The following ITGAX variants were observed in gnomAD, a reference collection of about 807,000 sequenced individuals.
ITGAX encodes the protein integrin alpha-X.
In ITGAX, 99 loss-of-function variants were observed where a neutral mutation model predicts 140.2. The ratio of observed to expected loss-of-function variants is 0.71; its 90% CI spans 0.60 to 0.83. ITGAX has a LOEUF of 0.83. Ranked by LOEUF, ITGAX falls within the 40% of genes least tolerant of loss-of-function variation. The pLI is 0.00. For synonymous variants in ITGAX, 631 were observed against 600.4 expected, an observed-to-expected ratio of 1.05 and a Z score of -0.75; for missense variants, 1,444 against 1,482.0, an observed-to-expected ratio of 0.97 and a Z score of 0.42.
chr16:31,379,440 TCAGCCA>T, intron 23 of ITGAX, 122 bp from the exon 24 acceptor site: 2 of 892,704 alleles, frequency 2.2e-6, no homozygotes, highest in Non-Finnish European at 3.5e-6. Context: ...ATAACCTAAC[TCAGCCA>T]CAGCCCTCAT....
intron 14 of ITGAX, among the ~76,000 whole-genome samples, chr16:31,368,915 G>C (rs1242027068): frequency 6.6e-6 from 1 of 152,164 alleles, no homozygotes; most frequent in African/African-American, 2.4e-5. Context: ...AGAGAGCACA[G>C]GGTTGGGGGT....
chr16:31,371,609 C>T (rs376240907), intron 16 of ITGAX, 21 bp from the exon 17 acceptor site: 26 of 1,613,554 alleles, frequency 1.6e-5, no homozygotes, highest in Admixed American at 3.3e-5. Context: ...GTCTCAACGC[C>T]GTCCCTGCGA....
intron 20 of ITGAX, among the ~76,000 whole-genome samples, chr16:31,374,664 A>AC (rs1313997604): frequency 6.6e-6 from 1 of 152,022 alleles, no homozygotes; most frequent in East Asian, 1.9e-4. Flanking sequence ...CTGGTCTCTA[A>AC]CCCCTGGGTT....
At chr16:31,357,643 A>G (rs2080778320) in intron 5 of ITGAX, 1 of 478,930 alleles carries the variant, frequency 2.1e-6, no homozygotes, top group Non-Finnish European at 3.6e-6. Flanking sequence ...ACACAGGATG[A>G]TTCATGGCCA....
At chr16:31,355,377 T>C in intron 1 of ITGAX, 86 bp downstream of exon 1, 1 of 1,444,366 alleles carries the variant, frequency 6.9e-7, no homozygotes, top group Non-Finnish European at 9.7e-7. Flanking sequence ...GCTGGGGGGT[T>C]AGGATCTGGG....
In ITGAX at chr16:31,382,294, G is replaced by A; in HGVS notation, c.*387G>A. On this transcript the variant is annotated 3_prime_UTR_variant, in exon 30 of 30. Transcript: ENST00000268296. ...GGAGTCTCGCTCTGTCACCCAGGCT[G>A]GAGTGCAATGGCGTGATCTCGGCTC... The A allele has an allele frequency of 2.0e-6, 2 of 985,234 alleles. No homozygotes were observed. The highest frequency in any genetic ancestry group is 2.7e-6 in the Non-Finnish European group (2 of 745,636). 61.0% of individuals were successfully genotyped at this position (985,234 alleles called of 1,614,324 possible).
rs1186154324 is a variant in ITGAX, at chr16:31,371,768, T to C, written c.2144T>C (p.Phe715Ser). 6.2e-7 allele frequency: 1 copy of C among 1,613,932 alleles called. No individual in the cohort carries two copies. ...GGGCTGAAGGCACACTGTGAAAACTTCAACCTGCTGCTCCCGGTGCGTCTG... is the reference window on the plus strand; with the variant it reads ...GGGCTGAAGGCACACTGTGAAAACTCCAACCTGCTGCTCCCGGTGCGTCTG... ...VLGLKAHCEN[F>S]NLLLPSCVED... Residue 715 changes from phenylalanine (F) to serine (S), a missense_variant, in exon 17 of 30, where the codon TTC becomes TCC. By Grantham distance (155) the Phe-to-Ser change is radical. Transcript: ENST00000268296.
chr16:31,357,454 C>T (rs768267505), intron 5 of ITGAX, 90 bp downstream of exon 5: 6 of 797,366 alleles, frequency 7.5e-6, no homozygotes, highest in Non-Finnish European at 1.2e-5. Flanking sequence ...CAGAGTGGAT[C>T]AGAAAGAAGG....
intron 14 of ITGAX, among the ~76,000 whole-genome samples, chr16:31,367,179 G>A (rs545583413): frequency 6.6e-6 from 1 of 152,318 alleles, no homozygotes; most frequent in African/African-American, 2.4e-5. Flanking sequence ...AGAGGTGGAA[G>A]TCAGCAGGGT....
chr16:31,379,755 A>G lies in ITGAX; in HGVS notation c.2869-2A>G, dbSNP rs1204629183. The G allele has an allele frequency of 1.2e-6, 2 of 1,613,322 alleles. No homozygotes were observed. Among genetic ancestry groups the G allele is most frequent in the East Asian group, 2.2e-5 (1 of 44,864 alleles). On this transcript the variant is annotated splice_acceptor_variant, in intron 24 of 29. Coordinates refer to ENST00000268296, the MANE Select transcript of ITGAX (RefSeq NM_000887.5). LOFTEE classifies it high-confidence loss of function. ...GCTCTGCCCTCAGTGCCCTCTGTGC[A>G]GGTCAATAACCTGGGACAGAGGGAC...
intron 23 of ITGAX, among the ~76,000 whole-genome samples, chr16:31,379,117 T>C (rs1036199805): frequency 6.6e-6 from 1 of 151,906 alleles, no homozygotes; most frequent in Non-Finnish European, 1.5e-5. Context: ...GCCTGGTCTC[T>C]AAACTCTCTC....
Position 31,359,943 on chromosome 16 carries a change from C to T in ITGAX, c.585C>T (p.Asn195=). Residue 195 remains asparagine (N), a synonymous_variant, in exon 7 of 30, where the codon AAC becomes AAT. Transcript: ENST00000268296. ...STQFSLMQFS[N]KFQTHFTFEE... The stretch of plus-strand genomic sequence containing the variant: ...AGTTTTCCCTGATGCAGTTCTCCAA[C>T]AAATTCCAAACACACTTCACTTTCG... The T allele has an allele frequency of 6.2e-7, 1 of 1,614,166 alleles. No homozygotes were observed.
At position 31,361,899 on chromosome 16, in the gene ITGAX, T is replaced by G; in HGVS notation, c.1076T>G (p.Val359Gly). 1 of 1,613,986 alleles carries G rather than the reference T, an allele frequency of 6.2e-7. No homozygotes were observed. Among genetic ancestry groups the G allele is most frequent in the Non-Finnish European group, 8.5e-7 (1 of 1,179,978 alleles). ...ATGGCACAGGAGGGCTTCAGCGCTG[T>G]GTTCACACCTGTGAGTGGGGCCCCT... ...LEMAQEGFSAVFTPDGPVLGA... is the reference protein window; with the variant it reads ...LEMAQEGFSAGFTPDGPVLGA... The change falls in exon 10 of 30, where the codon GTG becomes GGG. Residue 359 changes from valine (V) to glycine (G), a missense_variant. Physicochemically the swap from Val to Gly is moderately radical, Grantham distance 109. Transcript: ENST00000268296.
At chr16:31,360,158 CA>C in intron 7 of ITGAX, 93 bp downstream of exon 7, 1 of 1,548,744 alleles carries the variant, frequency 6.5e-7, no homozygotes, top group Non-Finnish European at 8.7e-7. Context: ...AGGCAGGGAC[CA>C]AAATCCAGCC....
At chr16:31,372,538 A>G (rs766618644) in intron 18 of ITGAX, 29 bp downstream of exon 18, 6 of 1,613,162 alleles carry the variant, frequency 3.7e-6, no homozygotes, top group Non-Finnish European at 5.1e-6. Flanking sequence ...TCTCCCAGAG[A>G]GGGTGCACAG....
intron 14 of ITGAX, among the ~76,000 whole-genome samples, chr16:31,367,918 C>T (rs983100675): frequency 3.9e-5 from 6 of 152,172 alleles, no homozygotes; most frequent in African/African-American, 9.7e-5. Flanking sequence ...CCATTAAGAA[C>T]ATTCATGATT....
At position 31,357,234 on chromosome 16, in the gene ITGAX, C is replaced by A. The variant is rs1206088239; in HGVS notation, c.319-19C>A. Reference sequence around the variant, plus strand: ...GGAGGAAGCAGGGGCAGCCCCCCAGCAGCCCGCTGTGTCCCCAGGCCTGCG... The same window carrying A: ...GGAGGAAGCAGGGGCAGCCCCCCAGAAGCCCGCTGTGTCCCCAGGCCTGCG... On this transcript the variant is annotated intron_variant, in intron 4 of 29. Transcript: ENST00000268296. 8 of 1,579,086 alleles carry A rather than the reference C, an allele frequency of 5.1e-6. No homozygotes were observed. In the South Asian group the frequency reaches 9.1e-5, roughly 18 times the overall value.
intron 20 of ITGAX, among the ~76,000 whole-genome samples, chr16:31,375,173 GC>G (rs1283205521): frequency 6.6e-6 from 1 of 152,070 alleles, no homozygotes; most frequent in African/African-American, 2.4e-5. Flanking sequence ...CCACTGCCAC[GC>G]CCAGCTAAGT....
At chr16:31,356,956 G>A in intron 3 of ITGAX, 75 bp from the exon 4 acceptor site, 1 of 1,298,956 alleles carries the variant, frequency 7.7e-7, no homozygotes, top group South Asian at 1.3e-5. Flanking sequence ...CCCAGGTGGA[G>A]GTGACCCCTG....
Sources: allele counts gnomAD v4.1 joint callset (sites outside exome capture counted in the v4.1 genomes callset), GRCh38; gene constraint gnomAD v4.1.1; transcripts MANE v1.5; gene names NCBI Gene and HGNC (gene_info 2026-07-23, HGNC 2026-07-21).